PATJ: variants seen among roughly 807,000 people sequenced by gnomAD.
The protein encoded by PATJ is inaD-like protein.
In PATJ, 190 loss-of-function variants were observed where a neutral mutation model predicts 224.9. That is an observed-to-expected ratio of 0.84 (90% CI 0.75 to 0.95). The LOEUF (loss-of-function observed/expected upper bound fraction) is 0.95. Among genes scored for constraint, PATJ ranks in the 40% least tolerant of loss-of-function variants. The probability of loss-of-function intolerance (pLI) is 0.00; values close to 1 mark genes in which losing one functional copy is unlikely to be tolerated. For missense variants in PATJ, 2,121 were observed against 2,270.3 expected (o/e 0.93, Z 1.34); for synonymous variants, 769 against 820.3 (o/e 0.94, Z 1.07).
chr1:62,038,930 G>T, intron 30 of PATJ: 1 of 1,094,668 alleles, frequency 9.1e-7, no homozygotes, highest in Non-Finnish European at 1.4e-6. Context: ...CTTAATCTGG[G>T]TTGCCATGGG....
intron 36 of PATJ, 45 bp from the exon 37 acceptor site, chr1:62,117,087 A>C (rs367627633): frequency 2.4e-5 from 35 of 1,488,538 alleles, no homozygotes; most frequent in Non-Finnish European, 3.3e-5. Flanking sequence ...TTCAGAATAT[A>C]AATGCTACTA....
At chr1:62,034,197 C>T (rs771273863) in intron 29 of PATJ, among the ~76,000 whole-genome samples, 1 of 152,118 alleles carries the variant, frequency 6.6e-6, no homozygotes, top group Non-Finnish European at 1.5e-5. Flanking sequence ...AATCCCAGCA[C>T]TTTGGGAGGC....
chr1:61,924,023 TG>T (rs1674741317), intron 26 of PATJ, among the ~76,000 whole-genome samples: 1 of 152,056 alleles, frequency 6.6e-6, no homozygotes, highest in South Asian at 2.1e-4. Context: ...CTCAGTTCAC[TG>T]TTTTTTGACC....
chr1:61,802,747 T>A (rs752463283), intron 12 of PATJ, among the ~76,000 whole-genome samples: 40 of 152,352 alleles, frequency 2.6e-4, no homozygotes, highest in Admixed American at 3.9e-4. Context: ...TAATTTTTTT[T>A]AATTGATTTG....
intron 30 of PATJ, among the ~76,000 whole-genome samples, chr1:62,044,298 A>G (rs1271022237): frequency 6.6e-6 from 1 of 151,742 alleles, no homozygotes; most frequent in Non-Finnish European, 1.5e-5. Flanking sequence ...CCCTCCCACT[A>G]CTCTCTGCTT....
intron 25 of PATJ, among the ~76,000 whole-genome samples, chr1:61,912,310 T>C (rs1002475244): frequency 6.6e-6 from 1 of 152,074 alleles, no homozygotes; most frequent in African/African-American, 2.4e-5. Context: ...TGAAAAACAG[T>C]GGGCTGGGCG....
intron 31 of PATJ, among the ~76,000 whole-genome samples, chr1:62,076,468 A>G (rs1239995054): frequency 6.6e-6 from 1 of 152,156 alleles, no homozygotes; most frequent in East Asian, 1.9e-4. Context: ...TCTTTCTTAC[A>G]CAGTAGTTTG....
chr1:62,103,802 C>T (rs1317893864), intron 33 of PATJ, among the ~76,000 whole-genome samples: 5 of 151,730 alleles, frequency 3.3e-5, no homozygotes, highest in Non-Finnish European at 5.9e-5. Context: ...ACTGTGTGCT[C>T]GCACTGTACG....
At chr1:62,153,545 T>G in intron 43 of PATJ, 64 bp downstream of exon 43, 1 of 1,039,032 alleles carries the variant, frequency 9.6e-7, no homozygotes, top group East Asian at 3.3e-5. Context: ...TTCTTTTAAG[T>G]GCTTTGCTTT....
intron 29 of PATJ, among the ~76,000 whole-genome samples, chr1:62,024,657 A>AACACACAC (rs10605703): frequency 2.0e-4 from 22 of 107,732 alleles, no homozygotes; most frequent in African/African-American, 3.7e-4. Context: ...CCCACCTCCC[A>AACACACAC]ACACACACAC....
At chr1:62,144,955 G>A (rs1667896207) in intron 41 of PATJ, among the ~76,000 whole-genome samples, 1 of 151,800 alleles carries the variant, frequency 6.6e-6, no homozygotes. Flanking sequence ...TGGGACTCCA[G>A]GCCTGTGCCA....
chr1:61,850,218 G>A (rs1238312519), intron 17 of PATJ, among the ~76,000 whole-genome samples: 1 of 152,264 alleles, frequency 6.6e-6, no homozygotes, highest in South Asian at 2.1e-4. Flanking sequence ...TGATGCTCTT[G>A]CACTCTCCCT....
Position 61,914,651 on chromosome 1 carries a change from A to G in PATJ, c.3557A>G (p.Glu1186Gly). ...GGTAACCAGAACCAGGACACCCAAGAAAAGAAAGAAAAGGTAACTTGAACC... is the reference window on the plus strand; with the variant it reads ...GGTAACCAGAACCAGGACACCCAAGGAAAGAAAGAAAAGGTAACTTGAACC... ...ITGNQNQDTQEKKEKRQGTAP... is the reference protein window; with the variant it reads ...ITGNQNQDTQGKKEKRQGTAP... Residue 1186 changes from glutamate (E) to glycine (G), a missense_variant, in exon 26 of 44, where the codon GAA (glutamate) becomes GGA (glycine). Transcript: ENST00000642238. 3 of 1,571,478 alleles carry G rather than the reference A, an allele frequency of 1.9e-6. No homozygotes were observed. The highest frequency in any genetic ancestry group is 1.1e-5 in the South Asian group (1 of 89,802).
rs186886447 is a variant in PATJ, at chr1:61,984,517, A to G, written c.3671-5651A>G. Reference sequence around the variant, plus strand: ...GGTTGGGATTTTTTTGCTGAGCTTTATTCTGTTGAGCTTATTTCATTCTCC... The same window carrying G: ...GGTTGGGATTTTTTTGCTGAGCTTTGTTCTGTTGAGCTTATTTCATTCTCC... On this transcript the variant is annotated intron_variant, in intron 27 of 43. Transcript: ENST00000642238. 5.7e-4 allele frequency among the ~76,000 whole-genome samples: 87 copies of G among 152,070 alleles called. No homozygotes were observed. The East Asian group carries it at 0.015, about 27-fold the overall frequency.
intron 20 of PATJ, chr1:61,865,640 C>A (rs1665300806): frequency 6.6e-6 from 1 of 152,148 alleles, no homozygotes; most frequent in Non-Finnish European, 1.5e-5. Context: ...TAATTGGAAT[C>A]CTTAATTAAG....
intron 30 of PATJ, among the ~76,000 whole-genome samples, chr1:62,050,040 C>T (rs752598638): frequency 2.7e-5 from 4 of 148,996 alleles, no homozygotes; most frequent in African/African-American, 1.0e-4. Context: ...CACTTGAACC[C>T]GGGAGGCGAA....
At position 61,992,140 on chromosome 1, in the gene PATJ, G is replaced by A. The variant is rs1362319453; in HGVS notation, c.3867+1776G>A. ...TTCTTTTTTTTTTTTTTTTTGAGACGGAGTTTCACTCTTGTTGCCCAGGCT... is the reference window on the plus strand; with the variant it reads ...TTCTTTTTTTTTTTTTTTTTGAGACAGAGTTTCACTCTTGTTGCCCAGGCT... On this transcript the variant is annotated intron_variant, in intron 28 of 43. Coordinates refer to ENST00000642238, the MANE Select transcript of PATJ (RefSeq NM_001350145.3). Among the ~76,000 whole-genome samples, 5 of 142,288 alleles carry A rather than the reference G, an allele frequency of 3.5e-5. No homozygotes were observed. In the Admixed American group the frequency reaches 3.6e-4, roughly 10 times the overall value. The allele number at this position is 142,288 out of a possible 152,430, so 93.3% of individuals were successfully genotyped here. A position where few individuals can be genotyped will look rare whatever the true frequency, so the allele number is the denominator to read the frequency against.
intron 33 of PATJ, among the ~76,000 whole-genome samples, chr1:62,092,248 C>T (rs1461415751): frequency 6.6e-6 from 1 of 151,824 alleles, no homozygotes; most frequent in Non-Finnish European, 1.5e-5. Flanking sequence ...AGCATGGTGG[C>T]ATGTGCCTGT....
chr1:61,953,814 A>G (rs1220860388), intron 27 of PATJ, among the ~76,000 whole-genome samples: 1 of 152,192 alleles, frequency 6.6e-6, no homozygotes, highest in African/African-American at 2.4e-5. Flanking sequence ...ATTATAATAC[A>G]TGTATGCTTT....
Sources: gnomAD v4.1 joint callset for allele counts (sites outside exome capture counted in the v4.1 genomes callset) on GRCh38, gnomAD v4.1.1 for gene constraint, MANE v1.5 for transcripts, NCBI Gene and HGNC (gene_info 2026-07-23, HGNC 2026-07-21) for gene names.